OXR1: variants seen among roughly 807,000 people sequenced by gnomAD.
OXR1 encodes the protein oxidation resistance 1, also known as oxidation resistance protein 1.
In OXR1, 41 loss-of-function variants were observed where a neutral mutation model predicts 104.6. That is an observed-to-expected ratio of 0.39 (90% CI 0.31 to 0.51). The LOEUF is 0.51. OXR1 is among the 20% of genes least tolerant of loss of function. OXR1 has a pLI of 0.77. For missense variants in OXR1, 955 were observed against 1,031.9 expected, an observed-to-expected ratio of 0.93 and a Z score of 1.02; for synonymous variants, 348 against 348.4, an observed-to-expected ratio of 1.00 and a Z score of 0.01.
intron 3 of OXR1, among the ~76,000 whole-genome samples, chr8:106,615,442 A>G (rs1821136840): frequency 6.6e-6 from 1 of 151,706 alleles, no homozygotes; most frequent in Non-Finnish European, 1.5e-5. Context: ...AAAAAAAAAA[A>G]GAAAAAAAGA....
intron 3 of OXR1, among the ~76,000 whole-genome samples, chr8:106,553,786 A>G (rs1816057914): frequency 6.6e-6 from 1 of 152,152 alleles, no homozygotes; most frequent in South Asian, 2.1e-4. Flanking sequence ...CGGCTCAAGT[A>G]GCATCGCTTC....
At chr8:106,503,384 T>G (rs1168334681) in intron 2 of OXR1, among the ~76,000 whole-genome samples, 4 of 152,172 alleles carry the variant, frequency 2.6e-5, no homozygotes, top group African/African-American at 9.7e-5. Context: ...AATAAAGCCT[T>G]GAAAAGCTGG....
At chr8:106,656,799 C>T (rs1463582263) in intron 3 of OXR1, among the ~76,000 whole-genome samples, 2 of 123,544 alleles carry the variant, frequency 1.6e-5, no homozygotes, top group African/African-American at 6.3e-5. Flanking sequence ...GGTGATGATG[C>T]AAAAAAGATC....
chr8:106,704,393 C>CTTTTTTTTTTTT lies in OXR1; in HGVS notation c.860+1323_860+1334dup, dbSNP rs71307084. ...TTTTTCTTTTTCTTTCTTTCTTCTT[C>CTTTTTTTTTTTT]TTTTTTTTTTTTTTTTTTTTTTTTT... is the stretch of plus-strand genomic sequence containing the variant. On this transcript the variant is annotated intron_variant, in intron 8 of 16. Coordinates refer to ENST00000517566, the MANE Select transcript of OXR1 (RefSeq NM_001198533.2). Among the ~76,000 whole-genome samples, 27 of 47,886 alleles carry CTTTTTTTTTTTT rather than the reference C, an allele frequency of 5.6e-4. 1 individual carries two copies. Among genetic ancestry groups the CTTTTTTTTTTTT allele is most frequent in the African/African-American group, 1.2e-3 (12 of 9,930 alleles). 31.4% of individuals were successfully genotyped at this position (47,886 alleles called of 152,430 possible).
At chr8:106,510,878 C>G (rs1812478642) in intron 2 of OXR1, among the ~76,000 whole-genome samples, 1 of 152,198 alleles carries the variant, frequency 6.6e-6, no homozygotes, top group African/African-American at 2.4e-5. Flanking sequence ...ATCCCATTAA[C>G]TGTTCCAACA....
At chr8:106,514,831 T>C (rs1057317192) in intron 2 of OXR1, among the ~76,000 whole-genome samples, 5 of 152,144 alleles carry the variant, frequency 3.3e-5, no homozygotes, top group Non-Finnish European at 5.9e-5. Context: ...TTATAAAATG[T>C]AAATAATTGT....
chr8:106,286,005 A>G (rs1812486417), intron 1 of OXR1, among the ~76,000 whole-genome samples: 1 of 144,528 alleles, frequency 6.9e-6, no homozygotes, highest in Non-Finnish European at 1.5e-5. Flanking sequence ...TGTGGGGCTA[A>G]TGTGACCTAT....
chr8:106,289,777 G>A (rs1812671875), intron 1 of OXR1, among the ~76,000 whole-genome samples: 1 of 152,110 alleles, frequency 6.6e-6, no homozygotes, highest in African/African-American at 2.4e-5. Context: ...ATCTTGAATT[G>A]TAGTTCTCAT....
intron 1 of OXR1, among the ~76,000 whole-genome samples, chr8:106,298,612 G>A (rs550624669): frequency 6.6e-6 from 1 of 152,202 alleles, no homozygotes; most frequent in East Asian, 1.9e-4. Context: ...GGAATAGAAT[G>A]CAGTGGAATA....
chr8:106,644,689 C>T (rs1299523494), intron 3 of OXR1, among the ~76,000 whole-genome samples: 5 of 152,078 alleles, frequency 3.3e-5, no homozygotes, highest in African/African-American at 7.2e-5. Flanking sequence ...TCTTTGCACA[C>T]GTATGTGAAA....
intron 3 of OXR1, among the ~76,000 whole-genome samples, chr8:106,567,035 C>T (rs758510974): frequency 7.9e-5 from 12 of 151,916 alleles, no homozygotes; most frequent in Non-Finnish European, 1.8e-4. Context: ...TAATAGGTGC[C>T]GCAAACCACC....
At chr8:106,566,783 C>T (rs531733992) in intron 3 of OXR1, among the ~76,000 whole-genome samples, 5 of 152,236 alleles carry the variant, frequency 3.3e-5, no homozygotes, top group Admixed American at 2.0e-4. Flanking sequence ...TAAAATACTA[C>T]GCATCCATAA....
At chr8:106,738,542 T>C (rs934150029) in intron 12 of OXR1, among the ~76,000 whole-genome samples, 4 of 152,008 alleles carry the variant, frequency 2.6e-5, no homozygotes, top group African/African-American at 9.6e-5. Flanking sequence ...GCATTTTAGT[T>C]ATCTGCTCCA....
chr8:106,616,030 CTTTT>C (rs10718309), intron 3 of OXR1, among the ~76,000 whole-genome samples: 2 of 73,316 alleles, frequency 2.7e-5, no homozygotes, highest in South Asian at 6.0e-4. Context: ...GAAACACCTT[CTTTT>C]TTTTTTTTTT....
chr8:106,284,867 CTTGTTTATTTGAACT>C (rs1812430310), intron 1 of OXR1, among the ~76,000 whole-genome samples: 2 of 151,896 alleles, frequency 1.3e-5, no homozygotes, highest in South Asian at 4.2e-4. Flanking sequence ...CCATAGCTTA[CTTGTTTATTTGAACT>C]TTATTATAAA....
chr8:106,710,816 G>T, intron 10 of OXR1, 26 bp downstream of exon 10: 1 of 1,341,126 alleles, frequency 7.5e-7, no homozygotes, highest in South Asian at 1.9e-5. Context: ...GACACCTTGA[G>T]AGCATTATTG....
intron 3 of OXR1, among the ~76,000 whole-genome samples, chr8:106,633,490 T>A (rs1296360481): frequency 6.6e-6 from 1 of 152,140 alleles, no homozygotes; most frequent in Non-Finnish European, 1.5e-5. Flanking sequence ...AGATAATACA[T>A]CTCTGAAAGC....
At chr8:106,303,527 C>G (rs751650814) in intron 1 of OXR1, among the ~76,000 whole-genome samples, 1 of 151,730 alleles carries the variant, frequency 6.6e-6, no homozygotes, top group African/African-American at 2.4e-5. Flanking sequence ...TGTGAGCTAC[C>G]GAGCCCGGCC....
chr8:106,292,917 C>T (rs1320146489), intron 1 of OXR1, among the ~76,000 whole-genome samples: 9 of 152,282 alleles, frequency 5.9e-5, no homozygotes, highest in African/African-American at 1.7e-4. Flanking sequence ...GCCCTGGTTG[C>T]CAAGGGGGCA....
Sources: gnomAD v4.1 joint callset for allele counts (sites outside exome capture counted in the v4.1 genomes callset) on GRCh38, gnomAD v4.1.1 for gene constraint, MANE v1.5 for transcripts, NCBI Gene and HGNC (gene_info 2026-07-23, HGNC 2026-07-21) for gene names.